COL5A1: variants seen among roughly 807,000 people sequenced by gnomAD.
COL5A1 encodes collagen type V alpha 1 chain, also known as collagen alpha-1(V) chain.
A neutral mutation model predicts 263.7 loss-of-function variants in COL5A1; 16 were observed. The ratio of observed to expected loss-of-function variants is 0.06; its 90% CI spans 0.04 to 0.09. COL5A1 has a LOEUF of 0.09. Among genes scored for constraint, COL5A1 ranks in the 10% least tolerant of loss-of-function variants. The pLI is 1.00. For synonymous variants in COL5A1, 1,012 were observed against 1,004.5 expected (o/e 1.01, Z -0.14); for missense variants, 2,036 against 2,540.5 (o/e 0.80, Z 4.27).
At position 134,733,322 on chromosome 9, in the gene COL5A1, G is replaced by A. The variant is rs566323849; in HGVS notation, c.1389+1195G>A. ...TTTGAAGCCCGTGGCCAGGGCAGAC[G>A]GGATGTGTCCCATCTCTGGGGTGGA... On this transcript the variant is annotated intron_variant, in intron 9 of 65. Coordinates refer to ENST00000371817, the MANE Select transcript of COL5A1 (RefSeq NM_000093.5). Among the ~76,000 whole-genome samples, 119 of 152,310 alleles carry A rather than the reference G, an allele frequency of 7.8e-4. No homozygotes were observed. In the South Asian group the frequency reaches 0.024, roughly 30 times the overall value.
At chr9:134,772,609 C>T (rs1369678996) in intron 25 of COL5A1, among the ~76,000 whole-genome samples, 181 bp from the exon 26 acceptor site, 2 of 152,192 alleles carry the variant, frequency 1.3e-5, no homozygotes, top group African/African-American at 2.4e-5. Flanking sequence ...CCTGGCGGCT[C>T]GGGGAGGCCG....
chr9:134,839,891 G>C (rs1340881064), intron 65 of COL5A1, among the ~76,000 whole-genome samples: 1 of 152,236 alleles, frequency 6.6e-6, no homozygotes, highest in African/African-American at 2.4e-5. Flanking sequence ...GGAGAGCTGT[G>C]GCCACCCCCA....
intron 31 of COL5A1, among the ~76,000 whole-genome samples, chr9:134,787,078 C>T (rs1005442922): frequency 3.9e-5 from 6 of 152,158 alleles, no homozygotes; most frequent in Non-Finnish European, 5.9e-5. Flanking sequence ...GCTCGTTGAA[C>T]GTGGGTGTGA....
Position 134,782,717 on chromosome 9 carries a change from T to A in COL5A1, c.2481T>A (p.Asp827Glu). 1 of 1,613,342 alleles carries A rather than the reference T, an allele frequency of 6.2e-7. No individual in the cohort carries two copies. Among genetic ancestry groups the A allele is most frequent in the Non-Finnish European group, 8.5e-7 (1 of 1,179,840 alleles). The change falls in exon 29 of 66, where the codon GAT (aspartate) becomes GAA (glutamate). Residue 827 changes from aspartate to glutamate, a missense_variant. By Grantham distance (45) the Asp-to-Glu change is conservative (BLOSUM62 2). Transcript: ENST00000371817. ...GFKGDMGIKG[D>E]RGEIGPPGPR... ...AAGGAGACATGGGCATCAAGGGTGA[T>A]CGGGTGAGCATCTCAGGTTTGGGAT...
intron 39 of COL5A1, among the ~76,000 whole-genome samples, chr9:134,804,370 C>CT (rs35353947): frequency 6.6e-6 from 1 of 152,124 alleles, no homozygotes; most frequent in Non-Finnish European, 1.5e-5. Flanking sequence ...TAAGGGGTGA[C>CT]TTTTTTTCAG....
chr9:134,648,304 A>ATAAT (rs372346402), intron 1 of COL5A1, among the ~76,000 whole-genome samples: 46 of 116,752 alleles, frequency 3.9e-4, no homozygotes, highest in African/African-American at 1.1e-3. Flanking sequence ...ATATATATAT[A>ATAAT]ATATATATAT....
rs777789161 is a variant in COL5A1 at position 134,730,434 on chromosome 9, G to A, written c.1123G>A (p.Glu375Lys). 32 of 1,614,014 alleles carry A rather than the reference G, an allele frequency of 2.0e-5. No homozygotes were observed. Among genetic ancestry groups the A allele is most frequent in the East Asian group, 6.7e-5 (3 of 44,898 alleles). Residue 375 changes from glutamate (E) to lysine (K), a missense_variant, in exon 7 of 66, where the codon GAA becomes AAA. This residue lies in a region of COL5A1 where 600 missense variants were observed against 634.5 expected (regional missense o/e 0.95). Coordinates refer to ENST00000371817, the MANE Select transcript of COL5A1 (RefSeq NM_000093.5). ...DQPTDPGAGA[E>K]IPTSTADTSN... is the part of the protein sequence containing the mutation. ...GCCCACAGACCCAGGCGCTGGGGCC[G>A]AAATTCCCACCAGCACCGCCGACAC...
chr9:134,646,029 C>G (rs73556933), intron 1 of COL5A1, among the ~76,000 whole-genome samples: 1,842 of 152,068 alleles, frequency 0.012, 37 homozygotes, highest in African/African-American at 0.043. Context: ...GTCCCTCCAT[C>G]CCTTCTCTTT....
At chr9:134,705,326 G>GCGGA (rs1833802916) in intron 4 of COL5A1, among the ~76,000 whole-genome samples, 2 of 152,242 alleles carry the variant, frequency 1.3e-5, no homozygotes, top group Non-Finnish European at 2.9e-5. Context: ...GGGTATAGAC[G>GCGGA]CGGAGCCTGA....
At chr9:134,812,838 G>GTGTGTGTACCTCTC (rs1410280661) in intron 48 of COL5A1, 126 bp downstream of exon 48, 1 of 740,880 alleles carries the variant, frequency 1.3e-6, no homozygotes, top group Non-Finnish European at 2.4e-6. Flanking sequence ...GTGCATACAC[G>GTGTGTGTACCTCTC]TGTGTGTACC....
chr9:134,828,685 C>T (rs1426182857), intron 63 of COL5A1, among the ~76,000 whole-genome samples: 48 of 151,816 alleles, frequency 3.2e-4, no homozygotes, highest in Admixed American at 2.9e-3. Flanking sequence ...GCCATACACA[C>T]CACACATACC....
intron 14 of COL5A1, among the ~76,000 whole-genome samples, chr9:134,753,074 T>G (rs1835845991): frequency 6.6e-6 from 1 of 152,004 alleles, no homozygotes; most frequent in Admixed American, 6.5e-5. Context: ...GATGGGGTCC[T>G]GCTGCAGCCA....
intron 4 of COL5A1, among the ~76,000 whole-genome samples, chr9:134,719,326 C>T (rs1834373312): frequency 6.6e-6 from 1 of 152,246 alleles, no homozygotes; most frequent in African/African-American, 2.4e-5. Context: ...CGCACACACA[C>T]CGCACATGTG....
intron 57 of COL5A1, 121 bp downstream of exon 57, chr9:134,819,174 C>A: frequency 1.8e-6 from 2 of 1,108,030 alleles, no homozygotes; most frequent in East Asian, 2.4e-5. Flanking sequence ...CTGCTGCAGG[C>A]TGGTGGTGGG....
Position 134,752,618 on chromosome 9 carries a change from G to A in COL5A1, c.1692G>A (p.Met564Ile), listed in dbSNP as rs1417228454. The change falls in exon 14 of 66, where the codon ATG (methionine) becomes ATA (isoleucine). Residue 564 changes from methionine to isoleucine, a missense_variant. Met to Ile is a conservative substitution (Grantham distance 10). Around this residue, in one of 3 missense-constraint regions of COL5A1, gnomAD observed 1,078 missense variants for 1,521.4 expected, o/e 0.71. Coordinates refer to ENST00000371817, the MANE Select transcript of COL5A1 (RefSeq NM_000093.5). ...CACTGAGGGGACCAGCTGGCCCGAT[G>A]GGTCTCACAGGGAGACCTGGCCCTG... ...RLALRGPAGP[M>I]GLTGRPGPVG... The A allele has an allele frequency of 2.5e-6, 4 of 1,613,454 alleles. No homozygotes were observed. The highest frequency in any genetic ancestry group is 1.7e-6 in the Non-Finnish European group (2 of 1,179,686).
At position 134,686,607 on chromosome 9, in the gene COL5A1, CATTCCTTTATAGGTCT is replaced by C. The variant is rs1483138705; in HGVS notation, c.110-4304_110-4289del. Among the ~76,000 whole-genome samples the C allele has an allele frequency of 3.3e-5, 5 of 152,130 alleles. No homozygotes were observed. The highest frequency in any genetic ancestry group is 1.2e-4 in the African/African-American group (5 of 41,424). On this transcript the variant is annotated intron_variant, in intron 1 of 65. Coordinates refer to ENST00000371817, the MANE Select transcript of COL5A1 (RefSeq NM_000093.5). This position sits in a 1 kb window ranked among gnomAD's most constrained non-coding sequence, Gnocchi z 4.6. ...CCTTAAAACTGACCTTGCTGGCGTC[CATTCCTTTATAGGTCT>C]GGGGACCTGATGCCTGGTTATATCC...
intron 64 of COL5A1, among the ~76,000 whole-genome samples, chr9:134,831,378 C>T (rs7850942): frequency 0.44 from 67,544 of 152,130 alleles, 16,792 homozygotes; most frequent in African/African-American, 0.67. Flanking sequence ...TGTGGTTTGC[C>T]GTGGACTTGC....
chr9:134,671,777 C>T (rs958375180), intron 1 of COL5A1, among the ~76,000 whole-genome samples: 1 of 152,216 alleles, frequency 6.6e-6, no homozygotes, highest in African/African-American at 2.4e-5. Context: ...GGTGCTAAAC[C>T]ATCTCCCGGG....
intron 4 of COL5A1, among the ~76,000 whole-genome samples, chr9:134,709,648 T>C (rs866750628): frequency 3.3e-5 from 5 of 152,194 alleles, no homozygotes; most frequent in Admixed American, 1.3e-4. Context: ...CTGTGGGGCC[T>C]GGCCCCTCCT....
Sources: gnomAD v4.1 joint callset for allele counts (sites outside exome capture counted in the v4.1 genomes callset) on GRCh38, gnomAD v4.1.1 for gene constraint, gnomAD v4.1.1 regional missense constraint, Gnocchi (gnomAD v3.1) non-coding constraint, MANE v1.5 for transcripts, NCBI Gene and HGNC (gene_info 2026-07-23, HGNC 2026-07-21) for gene names.